The following PLCL1 variants were observed in gnomAD, a reference collection of about 807,000 sequenced individuals.
The protein encoded by PLCL1 is phospholipase C like 1 (inactive).
In PLCL1, 41 loss-of-function variants were observed where a neutral mutation model predicts 84.4. The ratio of observed to expected loss-of-function variants is 0.49; its 90% confidence interval spans 0.38 to 0.63. PLCL1 has a LOEUF of 0.63. PLCL1 is among the 30% of genes least tolerant of loss of function. The pLI, the probability that PLCL1 is intolerant of heterozygous loss-of-function variation, is 0.00. For synonymous variants in PLCL1, 490 were observed against 488.3 expected (o/e 1.00, Z -0.05); for missense variants, 1,206 against 1,367.8 (o/e 0.88, Z 1.87).
At position 197,805,000 on chromosome 2, in the gene PLCL1, CG is replaced by C; in HGVS notation, c.-96del. 2 of 1,325,322 alleles carry C rather than the reference CG, an allele frequency of 1.5e-6. No homozygotes were observed. Among genetic ancestry groups the C allele is most frequent in the South Asian group, 3.1e-5 (2 of 63,896 alleles). 82.1% of individuals were successfully genotyped at this position (1,325,322 alleles called of 1,614,324 possible). The stretch of plus-strand genomic sequence containing the variant: ...CGCTGGGCGGTGAAACAAAGTCTGG[CG>C]GGGCCGCCTCCCGGTGCAGGAGCGC... On this transcript the variant is annotated 5_prime_UTR_variant, in exon 1 of 6. Coordinates refer to ENST00000428675, the MANE Select transcript of PLCL1 (RefSeq NM_006226.4).
At chr2:198,027,268 T>C (rs967859041) in intron 1 of PLCL1, among the ~76,000 whole-genome samples, 1 of 152,148 alleles carries the variant, frequency 6.6e-6, no homozygotes, top group Non-Finnish European at 1.5e-5. Context: ...GAAGGACAAG[T>C]ACCACCTGCC....
intron 3 of PLCL1, among the ~76,000 whole-genome samples, chr2:198,097,370 G>A (rs1403358991): frequency 6.6e-6 from 1 of 152,082 alleles, no homozygotes; most frequent in Non-Finnish European, 1.5e-5. Context: ...AGTATTTCAG[G>A]TTGGCTTTTT....
intron 1 of PLCL1, among the ~76,000 whole-genome samples, chr2:197,980,854 C>A (rs778336929): frequency 2.6e-5 from 4 of 151,988 alleles, no homozygotes; most frequent in Admixed American, 2.0e-4. Flanking sequence ...GGAAATTAAT[C>A]GAGTAATATG....
At chr2:197,817,422 A>C (rs1690713029) in intron 1 of PLCL1, among the ~76,000 whole-genome samples, 1 of 151,952 alleles carries the variant, frequency 6.6e-6, no homozygotes, top group Non-Finnish European at 1.5e-5. Context: ...GGAAGTCAGA[A>C]GTCTCAACAG....
In PLCL1 at chr2:197,931,678, ACCC is replaced by A. The variant is rs1688936138; in HGVS notation, c.240+126340_240+126342del. ...CAACCAACCAACCAACCAACCAACC[ACCC>A]ACCCACCCACCCACCCACCCAACCA... On this transcript the variant is annotated intron_variant, in intron 1 of 5. Transcript: ENST00000428675. 5.1e-3 allele frequency among the ~76,000 whole-genome samples: 387 copies of A among 76,338 alleles called. 3 individuals carry two copies. Among genetic ancestry groups the A allele is most frequent in the African/African-American group, 0.017 (327 of 19,494 alleles). The allele number at this position is 76,338 out of a possible 152,430, so 50.1% of individuals were successfully genotyped here.
Position 198,146,770 on chromosome 2 carries a change from C to T in PLCL1, c.3106-10C>T, listed in dbSNP as rs749657018. 5.0e-6 allele frequency: 8 copies of T among 1,601,198 alleles called. No homozygotes were observed. The highest frequency in any genetic ancestry group is 1.7e-5 in the Admixed American group (1 of 58,218). The stretch of plus-strand genomic sequence containing the variant: ...TGTCTTCTTTGATGCCTGTTTTTTT[C>T]TGTTTGTAGGGCCAAGGAGATCTGT... On this transcript the variant is annotated splice_polypyrimidine_tract_variant and intron_variant, in intron 5 of 5. Transcript: ENST00000428675.
chr2:197,852,797 C>A (rs1008547171), intron 1 of PLCL1, among the ~76,000 whole-genome samples: 1 of 152,146 alleles, frequency 6.6e-6, no homozygotes, highest in African/African-American at 2.4e-5. Context: ...AATCCCAGAG[C>A]AGCCACTAGG....
chr2:197,922,774 G>T (rs1373190975), intron 1 of PLCL1, among the ~76,000 whole-genome samples: 2 of 121,004 alleles, frequency 1.7e-5, no homozygotes, highest in African/African-American at 3.0e-5. Context: ...GCCGGGCAGG[G>T]GGCTGACCCC....
intron 1 of PLCL1, among the ~76,000 whole-genome samples, chr2:198,056,587 GA>G (rs1396464656): frequency 5.3e-5 from 8 of 152,160 alleles, no homozygotes; most frequent in Non-Finnish European, 1.5e-5. Flanking sequence ...CCACCACGAA[GA>G]CCTGTTGTGA....
chr2:198,006,859 C>G (rs1690740144), intron 1 of PLCL1, among the ~76,000 whole-genome samples: 1 of 152,128 alleles, frequency 6.6e-6, no homozygotes, highest in South Asian at 2.1e-4. Flanking sequence ...TGAGCTGTGC[C>G]CAAAACCTTT....
intron 5 of PLCL1, among the ~76,000 whole-genome samples, chr2:198,139,359 A>G (rs1694331366): frequency 6.6e-6 from 1 of 152,048 alleles, no homozygotes; most frequent in South Asian, 2.1e-4. Flanking sequence ...ATTTGTTTTC[A>G]TACTAGTGTC....
chr2:198,024,738 T>G (rs554135756), intron 1 of PLCL1, among the ~76,000 whole-genome samples: 1 of 148,662 alleles, frequency 6.7e-6, no homozygotes, highest in Non-Finnish European at 1.5e-5. Context: ...AGTCCAGCTT[T>G]GGCAACAAGA....
chr2:197,894,032 G>T (rs545975356), intron 1 of PLCL1, among the ~76,000 whole-genome samples: 1 of 151,930 alleles, frequency 6.6e-6, no homozygotes, highest in Non-Finnish European at 1.5e-5. Context: ...TAAGGGGTGG[G>T]GGGTAGTGCC....
intron 1 of PLCL1, among the ~76,000 whole-genome samples, chr2:197,975,144 T>G (rs1299318676): frequency 1.3e-5 from 1 of 79,944 alleles, no homozygotes; most frequent in Admixed American, 2.1e-4. Flanking sequence ...CGAGACTCCA[T>G]CTCAAAAAAA....
chr2:197,817,033 C>T (rs1295989912), intron 1 of PLCL1, among the ~76,000 whole-genome samples: 1 of 152,062 alleles, frequency 6.6e-6, no homozygotes, highest in African/African-American at 2.4e-5. Context: ...CCAAATGGTA[C>T]CCATAAGTTT....
At chr2:198,146,335 C>G (rs541492525) in intron 5 of PLCL1, among the ~76,000 whole-genome samples, 2 of 152,264 alleles carry the variant, frequency 1.3e-5, no homozygotes, top group East Asian at 3.9e-4. Context: ...AGACACTTTG[C>G]TTTGTAAGCT....
At position 198,086,108 on chromosome 2, in the gene PLCL1, G is replaced by C. The variant is rs773441467; in HGVS notation, c.2591G>C (p.Arg864Thr). The change falls in exon 2 of 6, where the codon AGA becomes ACA. Residue 864 changes from arginine (R) to threonine (T), a missense_variant. Coordinates refer to ENST00000428675, the MANE Select transcript of PLCL1 (RefSeq NM_006226.4). ...GKAQKRSLSV[R>T]MGKKVREYTM... is the part of the protein sequence containing the mutation. The stretch of plus-strand genomic sequence containing the variant: ...GCACAGAAGCGCAGTCTTTCAGTGA[G>C]AATGGGGAAGAAAGTTCGGGAATAT... The C allele has an allele frequency of 1.2e-6, 2 of 1,613,940 alleles. No homozygotes were observed. The highest frequency in any genetic ancestry group is 1.7e-6 in the Non-Finnish European group (2 of 1,179,978).
At chr2:197,814,099 TG>T (rs970857953) in intron 1 of PLCL1, among the ~76,000 whole-genome samples, 7 of 152,060 alleles carry the variant, frequency 4.6e-5, no homozygotes, top group African/African-American at 1.7e-4. Flanking sequence ...TTGAGAGGAG[TG>T]GGGCTCCTAG....
intron 1 of PLCL1, among the ~76,000 whole-genome samples, chr2:197,993,239 T>G (rs1417487588): frequency 6.6e-6 from 1 of 152,230 alleles, no homozygotes; most frequent in Non-Finnish European, 1.5e-5. Flanking sequence ...CGGTTTTGAT[T>G]TGCATTTCCC....
Sources: gnomAD v4.1 joint callset for allele counts (sites outside exome capture counted in the v4.1 genomes callset) on GRCh38, gnomAD v4.1.1 for gene constraint, MANE v1.5 for transcripts, NCBI Gene and HGNC (gene_info 2026-07-23, HGNC 2026-07-21) for gene names.